NSUN3: variants seen among roughly 807,000 people sequenced by gnomAD.
The protein encoded by NSUN3 is tRNA (cytosine(34)-C(5))-methyltransferase, mitochondrial.
NSUN3 carries 24 observed loss-of-function variants against 36.8 expected under a neutral mutation model. The ratio of observed to expected loss-of-function variants is 0.65; its 90% CI spans 0.47 to 0.92. The LOEUF is 0.92. Ranked by LOEUF, NSUN3 falls within the 40% of genes least tolerant of loss-of-function variation. NSUN3 has a pLI of 0.00. For missense variants in NSUN3, 381 were observed against 392.8 expected (o/e 0.97, Z 0.25); for synonymous variants, 146 against 145.2 (o/e 1.01, Z -0.04).
rs1291824649 is a variant in NSUN3 at position 94,079,525 on chromosome 3, C to T, written c.123-4582C>T. ...TGGATGATAGCTTGAAGACTGTTTTCCAACTTGTTTCATTCTCCCTGTCAC... is the reference window on the plus strand; with the variant it reads ...TGGATGATAGCTTGAAGACTGTTTTTCAACTTGTTTCATTCTCCCTGTCAC... On this transcript the variant is annotated intron_variant, in intron 2 of 5. Coordinates refer to ENST00000314622, the MANE Select transcript of NSUN3 (RefSeq NM_022072.5). 1.3e-5 allele frequency among the ~76,000 whole-genome samples: 2 copies of T among 152,112 alleles called. 1 individual carries two copies. Among genetic ancestry groups the T allele is most frequent in the Admixed American group, 1.3e-4 (2 of 15,272 alleles).
chr3:94,122,151 T>TA (rs753343062), intron 5 of NSUN3, among the ~76,000 whole-genome samples: 4,662 of 56,674 alleles, frequency 0.082, 113 homozygotes, highest in African/African-American at 0.16. Flanking sequence ...TCCCCCCACC[T>TA]AAAAAAAAAA....
At chr3:94,081,421 T>C (rs2077268518) in intron 2 of NSUN3, among the ~76,000 whole-genome samples, 1 of 152,220 alleles carries the variant, frequency 6.6e-6, no homozygotes, top group Non-Finnish European at 1.5e-5. Flanking sequence ...CCCTAAAGTT[T>C]TTTAATGGCT....
Position 94,068,723 on chromosome 3 carries a change from C to CT in NSUN3, c.122+4188dup, listed in dbSNP as rs35312928. ...TATAAGTCTGAACTGTCTGCAACATCTTTTTTTTTTTGGACACTCTCCTCA... is the reference window on the plus strand; with the variant it reads ...TATAAGTCTGAACTGTCTGCAACATCTTTTTTTTTTTTGGACACTCTCCTCA... On this transcript the variant is annotated intron_variant, in intron 2 of 5. Transcript: ENST00000314622. Among the ~76,000 whole-genome samples the CT allele has an allele frequency of 4.0e-4, 58 of 144,812 alleles. 1 individual carries two copies. The highest frequency in any genetic ancestry group is 1.6e-3 in the East Asian group (8 of 5,014).
chr3:94,101,854 T>G (rs56260303), intron 5 of NSUN3, among the ~76,000 whole-genome samples: 29,121 of 152,118 alleles, frequency 0.19, 3,271 homozygotes, highest in Non-Finnish European at 0.25. Context: ...ATGAAATACA[T>G]GTAGTCTTTA....
At position 94,084,098 on chromosome 3, in the gene NSUN3, T is replaced by A; in HGVS notation, c.123-9T>A. Reference sequence around the variant, plus strand: ...AATATTCTCTTATTTTCTCTTTTTCTATTTCTAGGGAGATACTAACATCTC... The same window carrying A: ...AATATTCTCTTATTTTCTCTTTTTCAATTTCTAGGGAGATACTAACATCTC... On this transcript the variant is annotated splice_polypyrimidine_tract_variant and intron_variant, in intron 2 of 5. Transcript: ENST00000314622. The A allele has an allele frequency of 6.3e-7, 1 of 1,589,194 alleles. No individual in the cohort carries two copies. The highest frequency in any genetic ancestry group is 8.6e-7 in the Non-Finnish European group (1 of 1,161,074).
intron 3 of NSUN3, among the ~76,000 whole-genome samples, chr3:94,090,070 A>G (rs889250208): frequency 1.5e-4 from 23 of 152,326 alleles, no homozygotes; most frequent in African/African-American, 4.8e-4. Context: ...ATTGTTTTTA[A>G]GTTAGGTCTA....
intron 3 of NSUN3, among the ~76,000 whole-genome samples, chr3:94,092,247 A>G (rs1337750787): frequency 1.3e-5 from 2 of 152,228 alleles, no homozygotes; most frequent in African/African-American, 4.8e-5. Flanking sequence ...GTTCCTGAGA[A>G]GGCTCTGTAA....
At chr3:94,067,544 C>G (rs1261391265) in intron 2 of NSUN3, among the ~76,000 whole-genome samples, 1 of 152,134 alleles carries the variant, frequency 6.6e-6, no homozygotes, top group Non-Finnish European at 1.5e-5. Context: ...TAAAAAAATT[C>G]TCTACTGCTG....
rs2077492752 is a variant in NSUN3 at position 94,127,630 on chromosome 3, T to G, written c.*1140T>G. On this transcript the variant is annotated 3_prime_UTR_variant, in exon 6 of 6. Coordinates refer to ENST00000314622, the MANE Select transcript of NSUN3 (RefSeq NM_022072.5). ...AGTACAAACATATTTTTCCAACTAT[T>G]AAGAAAAATTATGCAGCACATCTCA... 4 of 152,236 alleles carry G rather than the reference T, an allele frequency of 2.6e-5. No homozygotes were observed. In the South Asian group the frequency reaches 8.3e-4, roughly 32 times the overall value. The allele number at this position is 152,236 out of a possible 1,614,324, so 9.4% of individuals were successfully genotyped here.
At position 94,127,807 on chromosome 3, in the gene NSUN3, T is replaced by C. The variant is rs1314258323; in HGVS notation, c.*1317T>C. On this transcript the variant is annotated 3_prime_UTR_variant, in exon 6 of 6. Transcript: ENST00000314622. ...AGACTATTTGCTTATTAATATTTTT[T>C]GTTTTGCAAGCATATGTAACCCGGT... is the stretch of plus-strand genomic sequence containing the variant. 3 of 152,236 alleles carry C rather than the reference T, an allele frequency of 2.0e-5. No individual in the cohort carries two copies. Among genetic ancestry groups the C allele is most frequent in the Non-Finnish European group, 2.9e-5 (2 of 68,044 alleles). 9.4% of individuals were successfully genotyped at this position (152,236 alleles called of 1,614,324 possible). A position where few individuals can be genotyped will look rare whatever the true frequency, so the allele number is the denominator to read the frequency against.
At chr3:94,083,615 G>A (rs2077280207) in intron 2 of NSUN3, among the ~76,000 whole-genome samples, 1 of 152,186 alleles carries the variant, frequency 6.6e-6, no homozygotes, top group African/African-American at 2.4e-5. Flanking sequence ...TTCTATGCAA[G>A]CGTGTGATTG....
At chr3:94,073,808 A>G (rs1383407348) in intron 2 of NSUN3, among the ~76,000 whole-genome samples, 3 of 152,046 alleles carry the variant, frequency 2.0e-5, no homozygotes, top group African/African-American at 7.2e-5. Flanking sequence ...GTTTAATTAG[A>G]TCCCATTTGT....
chr3:94,098,055 T>C (rs1226501513), intron 5 of NSUN3, among the ~76,000 whole-genome samples: 1 of 152,180 alleles, frequency 6.6e-6, no homozygotes, highest in African/African-American at 2.4e-5. Flanking sequence ...AGGAGAATCT[T>C]CACCAAATCG....
intron 2 of NSUN3, among the ~76,000 whole-genome samples, chr3:94,082,465 G>C (rs960767233): frequency 2.0e-5 from 3 of 152,094 alleles, no homozygotes; most frequent in Non-Finnish European, 4.4e-5. Flanking sequence ...GATACGCCAG[G>C]CTCCTGTGAC....
chr3:94,089,410 C>T (rs549920545), intron 3 of NSUN3, among the ~76,000 whole-genome samples: 1 of 152,232 alleles, frequency 6.6e-6, no homozygotes, highest in South Asian at 2.1e-4. Context: ...GAGGCAATTT[C>T]CCAAACAGAT....
At position 94,126,668 on chromosome 3, in the gene NSUN3, A is replaced by G; in HGVS notation, c.*178A>G. ...AATTGTTCAGGTGTATTTTTTTCCTAGAAATATATCTGTAACAATGATTTA... is the reference window on the plus strand; with the variant it reads ...AATTGTTCAGGTGTATTTTTTTCCTGGAAATATATCTGTAACAATGATTTA... On this transcript the variant is annotated 3_prime_UTR_variant, in exon 6 of 6. Transcript: ENST00000314622. The G allele has an allele frequency of 1.8e-6, 1 of 569,512 alleles. No homozygotes were observed. The allele number at this position is 569,512 out of a possible 1,614,324, so 35.3% of individuals were successfully genotyped here. A position where few individuals can be genotyped will look rare whatever the true frequency, so the allele number is the denominator to read the frequency against.
intron 2 of NSUN3, among the ~76,000 whole-genome samples, chr3:94,070,515 G>A (rs1205733499): frequency 1.3e-5 from 2 of 152,168 alleles, no homozygotes; most frequent in Admixed American, 6.5e-5. Context: ...GCAACAATGA[G>A]TGAGAAATAG....
chr3:94,109,109 C>T (rs767757450), intron 5 of NSUN3, among the ~76,000 whole-genome samples: 3 of 152,242 alleles, frequency 2.0e-5, no homozygotes, highest in Non-Finnish European at 4.4e-5. Context: ...GGAGAAATTC[C>T]ATGGAGAATC....
Position 94,126,197 on chromosome 3 carries a change from C to T in NSUN3, c.744-14C>T. The stretch of plus-strand genomic sequence containing the variant: ...TACTTAACTAATCTTTTGCATTTTT[C>T]TGATTGCACACAGGTCTGCAATTAA... On this transcript the variant is annotated splice_polypyrimidine_tract_variant and intron_variant, in intron 5 of 5. Transcript: ENST00000314622. The T allele has an allele frequency of 6.3e-7, 1 of 1,587,232 alleles. No homozygotes were observed. Among genetic ancestry groups the T allele is most frequent in the Non-Finnish European group, 8.6e-7 (1 of 1,165,868 alleles).
Sources: allele counts gnomAD v4.1 joint callset (sites outside exome capture counted in the v4.1 genomes callset), GRCh38; gene constraint gnomAD v4.1.1; transcripts MANE v1.5; gene names NCBI Gene and HGNC (gene_info 2026-07-23, HGNC 2026-07-21).